Variants in SLC24A3 observed in about 807,000 individuals in gnomAD.
SLC24A3 encodes sodium/potassium/calcium exchanger 3.
A neutral mutation model predicts 75.8 loss-of-function variants in SLC24A3; 28 were observed. That is an observed-to-expected ratio of 0.37 (90% CI 0.27 to 0.51). The LOEUF (loss-of-function observed/expected upper bound fraction) is 0.51, where lower values mean the gene tolerates loss of function less well. Among genes scored for constraint, SLC24A3 ranks in the 20% least tolerant of loss-of-function variants. The pLI is 0.94. For missense variants in SLC24A3, 663 were observed against 847.8 expected, an observed-to-expected ratio of 0.78 and a Z score of 2.71; for synonymous variants, 372 against 334.1, an observed-to-expected ratio of 1.11 and a Z score of -1.24.
intron 1 of SLC24A3, among the ~76,000 whole-genome samples, chr20:19,280,196 C>T (rs1336790156): frequency 6.6e-6 from 1 of 152,192 alleles, no homozygotes; most frequent in Non-Finnish European, 1.5e-5. Context: ...GTTCTTTCTT[C>T]TGGCACCTCC....
intron 1 of SLC24A3, among the ~76,000 whole-genome samples, chr20:19,263,753 A>G (rs1212268175): frequency 6.6e-6 from 1 of 152,194 alleles, no homozygotes; most frequent in African/African-American, 2.4e-5. Context: ...TTCAGTTCCA[A>G]CTTGGAAAGT....
rs951556840 is a variant in SLC24A3, at chr20:19,276,778, A to C, written c.143-4181A>C. 7.2e-5 allele frequency among the ~76,000 whole-genome samples: 11 copies of C among 152,106 alleles called. No homozygotes were observed. The East Asian group carries it at 1.7e-3, about 24-fold the overall frequency. On this transcript the variant is annotated intron_variant, in intron 1 of 16. Coordinates refer to ENST00000328041, the MANE Select transcript of SLC24A3 (RefSeq NM_020689.4). ...AAATTAGCTGGATGTGGTGGCATGCACCTGCAGTCCTAGATACTGGGGAGG... is the reference window on the plus strand; with the variant it reads ...AAATTAGCTGGATGTGGTGGCATGCCCCTGCAGTCCTAGATACTGGGGAGG...
chr20:19,327,150 G>C (rs1984881409), intron 2 of SLC24A3, among the ~76,000 whole-genome samples: 1 of 152,108 alleles, frequency 6.6e-6, no homozygotes, highest in Non-Finnish European at 1.5e-5. Flanking sequence ...AATTTCTAAA[G>C]CTCTTTTCTC....
intron 2 of SLC24A3, among the ~76,000 whole-genome samples, chr20:19,505,522 C>A (rs1988449293): frequency 6.6e-6 from 1 of 152,134 alleles, no homozygotes; most frequent in East Asian, 1.9e-4. Flanking sequence ...TTGTTTGTTT[C>A]TGAGATGATC....
intron 2 of SLC24A3, among the ~76,000 whole-genome samples, chr20:19,290,953 C>T (rs1444410183): frequency 4.6e-5 from 7 of 152,154 alleles, no homozygotes; most frequent in Admixed American, 4.6e-4. Flanking sequence ...GCTTTCTTGC[C>T]CTGGGAAACA....
chr20:19,246,092 A>G (rs767238350), intron 1 of SLC24A3, among the ~76,000 whole-genome samples: 4 of 152,186 alleles, frequency 2.6e-5, no homozygotes, highest in Non-Finnish European at 5.9e-5. Context: ...TGGCCATAAC[A>G]CAAGTCTCAA....
chr20:19,534,489 C>A (rs1389675966), intron 3 of SLC24A3, among the ~76,000 whole-genome samples: 1 of 150,002 alleles, frequency 6.7e-6, no homozygotes, highest in Non-Finnish European at 1.5e-5. Flanking sequence ...TGGCTCACTG[C>A]AACCTCTATC....
At chr20:19,336,245 C>A (rs1292731321) in intron 2 of SLC24A3, among the ~76,000 whole-genome samples, 3 of 152,134 alleles carry the variant, frequency 2.0e-5, no homozygotes, top group Admixed American at 2.0e-4. Context: ...GGACATAGCC[C>A]ATAGACACAC....
intron 2 of SLC24A3, among the ~76,000 whole-genome samples, chr20:19,293,906 G>T (rs1983999934): frequency 1.3e-5 from 2 of 150,880 alleles, no homozygotes; most frequent in South Asian, 2.1e-4. Context: ...ATCCACGGGG[G>T]ATTGGTTCTA....
chr20:19,383,217 A>ATATTATCACTTAAGACAGCTGCTATTC (rs1359888459), intron 2 of SLC24A3, among the ~76,000 whole-genome samples: 1 of 152,146 alleles, frequency 6.6e-6, no homozygotes, highest in Non-Finnish European at 1.5e-5. Context: ...TTTTCCATAG[A>ATATTATCACTTAAGACAGCTGCTATTC]TATTATCACT....
intron 2 of SLC24A3, among the ~76,000 whole-genome samples, chr20:19,474,822 A>G (rs1360194116): frequency 3.3e-5 from 5 of 152,198 alleles, no homozygotes; most frequent in African/African-American, 1.2e-4. Flanking sequence ...TCTTTAGAAC[A>G]TATTCCTCTT....
chr20:19,343,987 G>A (rs1357940773), intron 2 of SLC24A3, among the ~76,000 whole-genome samples: 1 of 152,166 alleles, frequency 6.6e-6, no homozygotes, highest in Non-Finnish European at 1.5e-5. Context: ...TAATGATCTG[G>A]AAATATTTCA....
intron 16 of SLC24A3, among the ~76,000 whole-genome samples, chr20:19,720,153 G>A (rs902501618): frequency 2.6e-5 from 4 of 152,226 alleles, no homozygotes; most frequent in African/African-American, 9.7e-5. Context: ...CACCTGGGCT[G>A]GACAGTACCA....
At chr20:19,683,577 ACCATGTCCTCCAGTGCAGAACTG>A (rs985267915) in intron 10 of SLC24A3, among the ~76,000 whole-genome samples, 2 of 152,340 alleles carry the variant, frequency 1.3e-5, no homozygotes, top group Non-Finnish European at 2.9e-5. Flanking sequence ...ACATTTCACC[ACCATGTCCTCCAGTGCAGAACTG>A]CACTAACGTC....
intron 15 of SLC24A3, among the ~76,000 whole-genome samples, chr20:19,711,004 CA>C: frequency 6.8e-5 from 1 of 14,768 alleles, no homozygotes; most frequent in Admixed American, 1.1e-3. Context: ...CTTTGCTATG[CA>C]GTCTCACTGC....
chr20:19,697,135 G>A (rs1208216720), intron 14 of SLC24A3, among the ~76,000 whole-genome samples: 1 of 152,038 alleles, frequency 6.6e-6, no homozygotes, highest in Non-Finnish European at 1.5e-5. Flanking sequence ...GTAATTAACA[G>A]GGTTTGGAAG....
rs552972105 is a variant in SLC24A3 at position 19,606,722 on chromosome 20, G to T, written c.612+21178G>T. Among the ~76,000 whole-genome samples the T allele has an allele frequency of 9.8e-5, 15 of 152,360 alleles. No homozygotes were observed. In the South Asian group the frequency reaches 1.0e-3, roughly 11 times the overall value. ...GAAGGCCAGGGAAGGTCATGAACCAGAGGAGAATGCCCATGGCATAGAAGG... is the reference window on the plus strand; with the variant it reads ...GAAGGCCAGGGAAGGTCATGAACCATAGGAGAATGCCCATGGCATAGAAGG... On this transcript the variant is annotated intron_variant, in intron 6 of 16. Transcript: ENST00000328041.
chr20:19,442,257 G>A lies in SLC24A3; in HGVS notation c.272-73231G>A, dbSNP rs557571784. 4.3e-4 allele frequency among the ~76,000 whole-genome samples: 65 copies of A among 152,232 alleles called. 1 individual carries two copies. Among genetic ancestry groups the A allele is most frequent in the African/African-American group, 1.4e-3 (57 of 41,554 alleles). On this transcript the variant is annotated intron_variant, in intron 2 of 16. Transcript: ENST00000328041. The stretch of plus-strand genomic sequence containing the variant: ...TTGCCTGATCAATCATATGGTAAAA[G>A]TATGCCTAGTTTTGTAATAATCTGC...
chr20:19,597,533 G>A (rs1176477342), intron 6 of SLC24A3, among the ~76,000 whole-genome samples: 1 of 152,174 alleles, frequency 6.6e-6, no homozygotes, highest in Non-Finnish European at 1.5e-5. Flanking sequence ...TATTTAGAGT[G>A]TCTGTCACCT....
Sources: allele counts gnomAD v4.1 joint callset (sites outside exome capture counted in the v4.1 genomes callset), GRCh38; gene constraint gnomAD v4.1.1; transcripts MANE v1.5; gene names NCBI Gene and HGNC (gene_info 2026-07-23, HGNC 2026-07-21).